The following MGST1 variants were observed in gnomAD, a reference collection of about 807,000 sequenced individuals.
MGST1 encodes the protein glutathione S-transferase 12.
A neutral mutation model predicts 8.9 loss-of-function variants in MGST1; 5 were observed. The observed-to-expected ratio is 0.56, with a 90% confidence interval of 0.29 to 1.19. MGST1 has a LOEUF of 1.19. Ranked by LOEUF, MGST1 falls within the 50% of genes most tolerant of loss-of-function variation. The pLI, the probability that MGST1 is intolerant of heterozygous loss-of-function variation, is 0.08. For missense variants in MGST1, 182 were observed against 187.4 expected, an observed-to-expected ratio of 0.97 and a Z score of 0.17; for synonymous variants, 54 against 67.8, an observed-to-expected ratio of 0.80 and a Z score of 1.00.
Position 16,545,456 on chromosome 12 carries a change from A to G in MGST1, n.483-44072A>G, listed in dbSNP as rs184158215. Reference sequence around the variant, plus strand: ...TTTTCTAGGGCCTTTAATTTTTTTCATCTCATCTTCTGGAAGTTTTAAAAT... The same window carrying G: ...TTTTCTAGGGCCTTTAATTTTTTTCGTCTCATCTTCTGGAAGTTTTAAAAT... On this transcript the variant is annotated intron_variant and non_coding_transcript_variant, in intron 4 of 4. Coordinates refer to the MGST1 transcript ENST00000538857. Among the ~76,000 whole-genome samples, 79 of 152,042 alleles carry G rather than the reference A, an allele frequency of 5.2e-4. 1 individual carries two copies. In the Middle Eastern group the frequency reaches 0.01, roughly 20 times the overall value.
chr12:16,356,975 T>C (rs1448814403), intron 2 of MGST1, among the ~76,000 whole-genome samples: 1 of 152,244 alleles, frequency 6.6e-6, no homozygotes, highest in Non-Finnish European at 1.5e-5. Flanking sequence ...GTGAAAAAGA[T>C]ACCAGTGAAC....
intron 4 of MGST1, among the ~76,000 whole-genome samples, chr12:16,448,420 C>A (rs1022110699): frequency 2.6e-5 from 4 of 151,610 alleles, no homozygotes; most frequent in Admixed American, 2.6e-4. Flanking sequence ...CAGTCATCAG[C>A]TAAGCAAGGG....
chr12:16,429,901 TC>T (rs1345407489), intron 1 of MGST1, among the ~76,000 whole-genome samples: 7 of 152,182 alleles, frequency 4.6e-5, no homozygotes, highest in African/African-American at 1.7e-4. Context: ...AATGGACTCT[TC>T]CTTTTATGAA....
At chr12:16,469,907 A>C (rs1941281345) in intron 4 of MGST1, among the ~76,000 whole-genome samples, 1 of 152,242 alleles carries the variant, frequency 6.6e-6, no homozygotes, top group South Asian at 2.1e-4. Context: ...ACAAAAATGT[A>C]AGTAAATTGA....
chr12:16,578,084 T>C (rs1379154542), intron 4 of MGST1, among the ~76,000 whole-genome samples: 1 of 152,190 alleles, frequency 6.6e-6, no homozygotes, highest in Admixed American at 6.5e-5. Flanking sequence ...TATTCTGTCC[T>C]CATTGCTCAC....
intron 4 of MGST1, among the ~76,000 whole-genome samples, chr12:16,443,791 A>T (rs1038492991): frequency 6.6e-6 from 1 of 151,842 alleles, no homozygotes; most frequent in African/African-American, 2.4e-5. Context: ...CTTGGTCTCT[A>T]TTCTTCCATC....
At chr12:16,393,904 C>A (rs565823402) in intron 1 of MGST1, among the ~76,000 whole-genome samples, 2 of 152,150 alleles carry the variant, frequency 1.3e-5, no homozygotes, top group African/African-American at 4.8e-5. Context: ...TATTGCTAGA[C>A]CACAATTTCT....
At chr12:16,508,193 G>A (rs1202938682) in intron 4 of MGST1, among the ~76,000 whole-genome samples, 1 of 152,112 alleles carries the variant, frequency 6.6e-6, no homozygotes, top group Non-Finnish European at 1.5e-5. Flanking sequence ...TAGAGACTTA[G>A]TACATTGCTG....
At position 16,547,697 on chromosome 12, in the gene MGST1, C is replaced by G. The variant is rs1280831533; in HGVS notation, n.483-41831C>G. On this transcript the variant is annotated intron_variant and non_coding_transcript_variant, in intron 4 of 4. Transcript: ENST00000538857. The surrounding 1 kb of genome is among the most constrained non-coding windows in gnomAD (Gnocchi z 4.6). ...CTATTACCTTAAATTACATTAAAAC[C>G]ACATTTAAAAAATATAACAATGTTT... is the stretch of plus-strand genomic sequence containing the variant. Among the ~76,000 whole-genome samples, 1 of 152,036 alleles carries G rather than the reference C, an allele frequency of 6.6e-6. No individual in the cohort carries two copies. The highest frequency in any genetic ancestry group is 2.4e-5 in the African/African-American group (1 of 41,384).
intron 1 of MGST1, among the ~76,000 whole-genome samples, chr12:16,412,641 A>T (rs537114395): frequency 3.3e-4 from 50 of 152,222 alleles, no homozygotes; most frequent in African/African-American, 1.2e-3. Flanking sequence ...AGTTTTTTCC[A>T]TGCTGTTCTC....
intron 4 of MGST1, among the ~76,000 whole-genome samples, chr12:16,552,399 T>C (rs551434748): frequency 4.6e-5 from 7 of 152,174 alleles, no homozygotes; most frequent in East Asian, 1.9e-4. Flanking sequence ...TCTTAGTGGA[T>C]AGATTAAATT....
intron 4 of MGST1, among the ~76,000 whole-genome samples, chr12:16,572,339 CTTTTTTTT>C (rs59773866): frequency 7.4e-4 from 66 of 89,532 alleles, no homozygotes; most frequent in African/African-American, 2.3e-3. Flanking sequence ...GGTCCAAACT[CTTTTTTTT>C]TTTTTTTTTT....
At position 16,497,245 on chromosome 12, in the gene MGST1, C is replaced by G. The variant is rs1466484831; in HGVS notation, n.483-92283C>G. ...TTCACACGCTTTTCCTTTGTTTAACCAAAAATAAGAAACAGAAATTGACAG... is the reference window on the plus strand; with the variant it reads ...TTCACACGCTTTTCCTTTGTTTAACGAAAAATAAGAAACAGAAATTGACAG... On this transcript the variant is annotated intron_variant and non_coding_transcript_variant, in intron 4 of 4. Coordinates refer to the MGST1 transcript ENST00000538857. This position sits in a 1 kb window ranked among gnomAD's most constrained non-coding sequence, Gnocchi z 4.4. Among the ~76,000 whole-genome samples, 9 of 151,958 alleles carry G rather than the reference C, an allele frequency of 5.9e-5. No homozygotes were observed. The highest frequency in any genetic ancestry group is 5.9e-4 in the Admixed American group (9 of 15,218).
intron 4 of MGST1, among the ~76,000 whole-genome samples, chr12:16,460,741 T>C (rs1941212651): frequency 6.6e-6 from 1 of 152,096 alleles, no homozygotes; most frequent in African/African-American, 2.4e-5. Flanking sequence ...TAGCCTTGTT[T>C]TTAAAAACAG....
chr12:16,384,035 CAG>C (rs1438106662), intron 1 of MGST1, among the ~76,000 whole-genome samples: 1 of 151,994 alleles, frequency 6.6e-6, no homozygotes, highest in Non-Finnish European at 1.5e-5. Flanking sequence ...ACAGGTGCAA[CAG>C]GGGGAATTCT....
chr12:16,430,762 G>A (rs1232136159), intron 1 of MGST1, among the ~76,000 whole-genome samples: 3 of 152,096 alleles, frequency 2.0e-5, no homozygotes, highest in African/African-American at 7.2e-5. Flanking sequence ...AGGCCCCTGG[G>A]ATTTTCAGAA....
intron 1 of MGST1, among the ~76,000 whole-genome samples, chr12:16,431,993 A>T (rs1024995136): frequency 2.0e-5 from 3 of 152,176 alleles, no homozygotes; most frequent in African/African-American, 7.2e-5. Flanking sequence ...AATCCATTTG[A>T]GAAATTCATT....
chr12:16,498,046 G>A (rs1043113400), intron 4 of MGST1, among the ~76,000 whole-genome samples: 1 of 152,146 alleles, frequency 6.6e-6, no homozygotes, highest in African/African-American at 2.4e-5. Flanking sequence ...GAAGCACTAT[G>A]ATATGACCCA....
chr12:16,471,375 A>C (rs1941288651), intron 4 of MGST1, among the ~76,000 whole-genome samples: 1 of 152,264 alleles, frequency 6.6e-6, no homozygotes. Context: ...GTATATTAGA[A>C]TTGAATCACC....
Sources: allele counts gnomAD v4.1 joint callset (sites outside exome capture counted in the v4.1 genomes callset), GRCh38; gene constraint gnomAD v4.1.1; non-coding constraint Gnocchi (gnomAD v3.1); transcripts MANE v1.5; gene names NCBI Gene and HGNC (gene_info 2026-07-23, HGNC 2026-07-21).